ARHGAP24: variants seen among roughly 807,000 people sequenced by gnomAD.
The protein encoded by ARHGAP24 is Rho GTPase activating protein 24.
Under a neutral mutation model 76.4 loss-of-function variants are expected in ARHGAP24, and 50 were observed. That is an observed-to-expected ratio of 0.65 (90% CI 0.52 to 0.83). ARHGAP24 has a LOEUF of 0.83. Ranked by LOEUF, ARHGAP24 falls within the 40% of genes least tolerant of loss-of-function variation. The pLI is 0.00. For synonymous variants in ARHGAP24, 345 were observed against 323.3 expected (o/e 1.07, Z -0.72); for missense variants, 930 against 914.2 (o/e 1.02, Z -0.22).
rs1352712356 is a variant in ARHGAP24, at chr4:85,995,313, T to C, written c.1659T>C (p.Ala553=). ...NLDDKQSIDS[A]TWSTSSCEIS... is the part of the protein sequence containing the mutation. The stretch of plus-strand genomic sequence containing the variant: ...ATGACAAGCAGAGCATTGACAGTGC[T>C]ACCTGGTCCACTTCCTCCTGTGAAA... Residue 553 remains alanine (A), a synonymous_variant, in exon 9 of 10, where the codon GCT becomes GCC. Transcript: ENST00000395184. The C allele has an allele frequency of 6.2e-7, 1 of 1,614,090 alleles. No homozygotes were observed. Among genetic ancestry groups the C allele is most frequent in the Non-Finnish European group, 8.5e-7 (1 of 1,180,034 alleles).
rs1740607177 is a variant in ARHGAP24 at position 85,995,485 on chromosome 4, A to C, written c.1831A>C (p.Ser611Arg). Residue 611 changes from serine (S) to arginine (R), a missense_variant, in exon 9 of 10, where the codon AGT becomes CGT. Physicochemically the swap from Ser to Arg is moderately radical, Grantham distance 110. Transcript: ENST00000395184. ...CCACCCCAGGGACTATGAAAGCAAA[A>C]GTGACCACAGGAGTGTGGGAGGTCG... Reference protein sequence around the residue: ...LSHPRDYESKSDHRSVGGRSS... With the variant: ...LSHPRDYESKRDHRSVGGRSS... 1 of 1,600,614 alleles carries C rather than the reference A, an allele frequency of 6.2e-7. No individual in the cohort carries two copies. Among genetic ancestry groups the C allele is most frequent in the African/African-American group, 1.3e-5 (1 of 74,528 alleles).
chr4:85,949,975 T>C (rs1048749285), intron 5 of ARHGAP24, among the ~76,000 whole-genome samples: 1 of 152,172 alleles, frequency 6.6e-6, no homozygotes, highest in Admixed American at 6.5e-5. Flanking sequence ...ATATAAATAA[T>C]TTTGAAAAGT....
intron 3 of ARHGAP24, among the ~76,000 whole-genome samples, chr4:85,766,987 G>T (rs1441313159): frequency 6.6e-6 from 1 of 152,148 alleles, no homozygotes; most frequent in Admixed American, 6.5e-5. Context: ...TGGATACACA[G>T]TATTTACCAT....
chr4:85,967,263 G>A (rs1235287943), intron 5 of ARHGAP24, among the ~76,000 whole-genome samples: 1 of 152,068 alleles, frequency 6.6e-6, no homozygotes, highest in African/African-American at 2.4e-5. Flanking sequence ...AGAAAATGAG[G>A]CATGGTGTGG....
chr4:85,803,416 G>A lies in ARHGAP24; in HGVS notation c.268+81444G>A, dbSNP rs992794881. ...GTCTAAGATGGATCCCTTCCAGGGC[G>A]TCTTCCCTATTACTGGAATGAAGAG... On this transcript the variant is annotated intron_variant, in intron 3 of 9. Transcript: ENST00000395184. Among the ~76,000 whole-genome samples the A allele has an allele frequency of 7.9e-5, 12 of 152,208 alleles. No homozygotes were observed. In the South Asian group the frequency reaches 1.2e-3, roughly 16 times the overall value.
At chr4:85,665,527 A>G (rs1215658939) in intron 2 of ARHGAP24, among the ~76,000 whole-genome samples, 1 of 152,112 alleles carries the variant, frequency 6.6e-6, no homozygotes, top group African/African-American at 2.4e-5. Context: ...TAAAGTTAAT[A>G]TTGTGATGTG....
intron 1 of ARHGAP24, among the ~76,000 whole-genome samples, chr4:85,527,723 C>A (rs1725067876): frequency 6.6e-6 from 1 of 151,918 alleles, no homozygotes; most frequent in Non-Finnish European, 1.5e-5. Context: ...TCCTGTTTCC[C>A]AAGCATCATT....
intron 3 of ARHGAP24, among the ~76,000 whole-genome samples, chr4:85,840,114 C>T (rs1359911770): frequency 6.6e-6 from 1 of 151,420 alleles, no homozygotes; most frequent in African/African-American, 2.4e-5. Flanking sequence ...ATCCACCCAC[C>T]TCACCCTCCC....
At chr4:85,665,808 G>T (rs925798662) in intron 2 of ARHGAP24, among the ~76,000 whole-genome samples, 7 of 152,108 alleles carry the variant, frequency 4.6e-5, no homozygotes, top group Non-Finnish European at 1.0e-4. Context: ...ATTCTGGGTT[G>T]AAAATTCTTT....
intron 2 of ARHGAP24, among the ~76,000 whole-genome samples, chr4:85,654,178 C>T (rs1287773859): frequency 6.6e-6 from 1 of 152,122 alleles, no homozygotes; most frequent in Non-Finnish European, 1.5e-5. Context: ...AAGGTGCTGG[C>T]AGAGTTGGGT....
chr4:85,704,904 C>A (rs562750832), intron 2 of ARHGAP24, among the ~76,000 whole-genome samples: 106 of 151,816 alleles, frequency 7.0e-4, no homozygotes, highest in African/African-American at 2.5e-3. Flanking sequence ...CTTTGATTGA[C>A]CAAGGGTCAA....
chr4:85,999,623 GCCAAGATAC>G (rs1164131772), intron 9 of ARHGAP24, among the ~76,000 whole-genome samples: 1 of 152,118 alleles, frequency 6.6e-6, no homozygotes, highest in Non-Finnish European at 1.5e-5. Context: ...GTCAGCCGAG[GCCAAGATAC>G]ATCTTAAATA....
chr4:85,955,353 A>G (rs1737850469), intron 5 of ARHGAP24, among the ~76,000 whole-genome samples: 1 of 152,102 alleles, frequency 6.6e-6, no homozygotes, highest in Admixed American at 6.5e-5. Flanking sequence ...GTTGCCATAA[A>G]AAAGCATTGC....
At chr4:85,789,027 G>A (rs1419594797) in intron 3 of ARHGAP24, among the ~76,000 whole-genome samples, 1 of 152,062 alleles carries the variant, frequency 6.6e-6, no homozygotes, top group African/African-American at 2.4e-5. Context: ...ATGCTAATGA[G>A]ATGACTTGTG....
chr4:85,585,798 G>A (rs184352111), intron 2 of ARHGAP24, among the ~76,000 whole-genome samples: 1 of 152,292 alleles, frequency 6.6e-6, no homozygotes, highest in Admixed American at 6.5e-5. Context: ...CCAGTCTGGA[G>A]CATGCTGAGA....
At chr4:85,722,891 T>G (rs1207332625) in intron 3 of ARHGAP24, among the ~76,000 whole-genome samples, 1 of 152,194 alleles carries the variant, frequency 6.6e-6, no homozygotes, top group African/African-American at 2.4e-5. Context: ...TATTAAATGC[T>G]GGGAATCTAA....
At chr4:85,478,812 C>T (rs550715911) in intron 1 of ARHGAP24, among the ~76,000 whole-genome samples, 1 of 152,308 alleles carries the variant, frequency 6.6e-6, no homozygotes, top group East Asian at 1.9e-4. Context: ...GAACTTCCTT[C>T]GGGAAAACTT....
intron 3 of ARHGAP24, among the ~76,000 whole-genome samples, chr4:85,788,423 A>G (rs1219173418): frequency 1.3e-5 from 2 of 152,184 alleles, no homozygotes; most frequent in Admixed American, 6.5e-5. Context: ...GTTGGTAATA[A>G]TGGTTTATAA....
chr4:85,853,159 T>C (rs1273033920), intron 3 of ARHGAP24, among the ~76,000 whole-genome samples: 1 of 152,202 alleles, frequency 6.6e-6, no homozygotes, highest in Non-Finnish European at 1.5e-5. Flanking sequence ...CTGCTTTGTT[T>C]ACCTACTTAA....
Sources: gnomAD v4.1 joint callset for allele counts (sites outside exome capture counted in the v4.1 genomes callset) on GRCh38, gnomAD v4.1.1 for gene constraint, MANE v1.5 for transcripts, NCBI Gene and HGNC (gene_info 2026-07-23, HGNC 2026-07-21) for gene names.